Variants in RNLS observed in about 807,000 individuals in gnomAD.
The protein encoded by RNLS is renalase, FAD dependent amine oxidase, also known as renalase.
In RNLS, 39 loss-of-function variants were observed where a neutral mutation model predicts 39.8. The ratio of observed to expected loss-of-function variants is 0.98; its 90% CI spans 0.76 to 1.28. The LOEUF (loss-of-function observed/expected upper bound fraction) is 1.28, where lower values mean the gene tolerates loss of function less well. Ranked by LOEUF, RNLS falls within the 50% of genes most tolerant of loss-of-function variation. RNLS has a pLI of 0.00. For synonymous variants in RNLS, 147 were observed against 150.7 expected, an observed-to-expected ratio of 0.98 and a Z score of 0.18; for missense variants, 410 against 413.3, an observed-to-expected ratio of 0.99 and a Z score of 0.07.
At chr10:88,237,358 G>A in the RNLS span, among the ~76,000 whole-genome samples, 1 of 146,824 alleles carries the variant, frequency 6.8e-6, no homozygotes, top group African/African-American at 2.5e-5. Flanking sequence ...GTTAGATCTT[G>A]TCTGAAAAGC....
intron 3 of RNLS, among the ~76,000 whole-genome samples, chr10:88,575,124 GTATATATATATATATA>G (rs1174268534): frequency 5.1e-5 from 5 of 98,912 alleles, no homozygotes; most frequent in Admixed American, 1.2e-4. Flanking sequence ...GTTCTGCAAA[GTATATATATATATATA>G]TATATATATA....
intron 4 of RNLS, among the ~76,000 whole-genome samples, chr10:88,460,875 C>T (rs117508952): frequency 0.011 from 1,719 of 152,210 alleles, 11 homozygotes; most frequent in Non-Finnish European, 0.019. Flanking sequence ...GCTGACTTTG[C>T]TCCTGCTCTG....
the RNLS span, among the ~76,000 whole-genome samples, chr10:88,172,839 G>GTTTTTTTTTTTTTTT: frequency 3.2e-5 from 1 of 31,510 alleles, no homozygotes; most frequent in African/African-American, 9.2e-5. Context: ...TGCATTTTGA[G>GTTTTTTTTTTTTTTT]TTGTTTTTTT....
chr10:88,353,269 C>T (rs1250151067), intron 5 of RNLS, among the ~76,000 whole-genome samples: 4 of 152,160 alleles, frequency 2.6e-5, no homozygotes, highest in Non-Finnish European at 5.9e-5. Flanking sequence ...AATGTGTTTG[C>T]TCTTGCTTCT....
intron 4 of RNLS, among the ~76,000 whole-genome samples, chr10:88,484,245 A>G (rs1012846798): frequency 1.5e-4 from 23 of 152,150 alleles, no homozygotes; most frequent in African/African-American, 5.5e-4. Context: ...AATTTAACCA[A>G]TTTCATAATT....
downstream of RNLS, among the ~76,000 whole-genome samples, chr10:88,271,694 C>T (rs1431448677): frequency 6.6e-6 from 1 of 152,142 alleles, no homozygotes; most frequent in East Asian, 1.9e-4. Context: ...TTATTTAAAA[C>T]AATTGGTATC....
chr10:88,575,185 ATATATATATAC>A (rs1314987876), intron 3 of RNLS, among the ~76,000 whole-genome samples: 11 of 110,606 alleles, frequency 9.9e-5, no homozygotes, highest in African/African-American at 3.3e-4. Context: ...CACACATATT[ATATATATATAC>A]TATATATATA....
At chr10:88,219,437 A>G in the RNLS span, among the ~76,000 whole-genome samples, 399 of 152,240 alleles carry the variant, frequency 2.6e-3, 7 homozygotes, top group Middle Eastern at 0.02. Flanking sequence ...TCCTATTAGC[A>G]CTCATGTGAA....
chr10:88,348,955 C>CAAA (rs1848494630), intron 5 of RNLS, among the ~76,000 whole-genome samples: 13 of 152,110 alleles, frequency 8.5e-5, no homozygotes, highest in Admixed American at 8.5e-4. Context: ...TACTTGACTG[C>CAAA]AAATTACGAG....
intron 6 of RNLS, among the ~76,000 whole-genome samples, chr10:88,275,408 T>G (rs1297397733): frequency 6.6e-6 from 1 of 152,186 alleles, no homozygotes; most frequent in Admixed American, 6.5e-5. Flanking sequence ...CATTTTAACA[T>G]TTTGCCTTAT....
chr10:88,380,363 CTTTTTT>C (rs10565402), intron 4 of RNLS, among the ~76,000 whole-genome samples: 10 of 73,100 alleles, frequency 1.4e-4, no homozygotes, highest in African/African-American at 1.6e-4. Flanking sequence ...GGTTTTGTAT[CTTTTTT>C]TTTTTTTTTT....
At chr10:88,374,837 C>T (rs1037466209) in intron 4 of RNLS, among the ~76,000 whole-genome samples, 33 of 152,080 alleles carry the variant, frequency 2.2e-4, no homozygotes, top group African/African-American at 5.3e-4. Context: ...CAAGCTTCTA[C>T]GCAACTAACC....
At chr10:88,549,490 CA>C (rs1468693218) in intron 4 of RNLS, among the ~76,000 whole-genome samples, 1 of 152,050 alleles carries the variant, frequency 6.6e-6, no homozygotes, top group African/African-American at 2.4e-5. Context: ...CAATTAAGCC[CA>C]GGGGTTCAGG....
chr10:88,188,030 C>T, the RNLS span, among the ~76,000 whole-genome samples: 1 of 152,094 alleles, frequency 6.6e-6, no homozygotes, highest in Non-Finnish European at 1.5e-5. Context: ...CATGCCATGT[C>T]CTTTACTTGA....
chr10:88,559,973 AT>A (rs1204162726), intron 4 of RNLS, among the ~76,000 whole-genome samples: 4 of 151,902 alleles, frequency 2.6e-5, no homozygotes, highest in African/African-American at 4.8e-5. Flanking sequence ...AGTTTTACAT[AT>A]TTTTAGAGTA....
chr10:88,300,000 T>C (rs894407458), intron 6 of RNLS, among the ~76,000 whole-genome samples: 2 of 152,182 alleles, frequency 1.3e-5, no homozygotes, highest in Non-Finnish European at 2.9e-5. Flanking sequence ...AAAAAAAGAA[T>C]GATATAAGAA....
At chr10:88,358,035 C>A (rs1849330080) in intron 5 of RNLS, among the ~76,000 whole-genome samples, 2 of 152,248 alleles carry the variant, frequency 1.3e-5, no homozygotes, top group Non-Finnish European at 2.9e-5. Context: ...AAATACAAGA[C>A]CTATACAAAA....
chr10:88,575,159 T>TATATAC (rs1386414416), intron 3 of RNLS, among the ~76,000 whole-genome samples: 81 of 43,386 alleles, frequency 1.9e-3, no homozygotes, highest in Non-Finnish European at 2.5e-3. Flanking sequence ...TATATATATA[T>TATATAC]ACACACACAC....
intron 6 of RNLS, among the ~76,000 whole-genome samples, chr10:88,295,552 A>G (rs773803523): frequency 6.6e-6 from 1 of 151,904 alleles, no homozygotes; most frequent in Non-Finnish European, 1.5e-5. Flanking sequence ...TGTATTGTGG[A>G]CTCCTGATTA....
Sources: allele counts gnomAD v4.1 joint callset (sites outside exome capture counted in the v4.1 genomes callset), GRCh38; gene constraint gnomAD v4.1.1; transcripts MANE v1.5; gene names NCBI Gene and HGNC (gene_info 2026-07-23, HGNC 2026-07-21).